The following EIF3H variants were observed in gnomAD, a reference collection of about 807,000 sequenced individuals.
The protein encoded by EIF3H is eIF-3-gamma.
A neutral mutation model predicts 44.2 loss-of-function variants in EIF3H; 26 were observed. That is an observed-to-expected ratio of 0.59 (90% CI 0.43 to 0.82). EIF3H has a LOEUF of 0.82. Among genes scored for constraint, EIF3H ranks in the 40% least tolerant of loss-of-function variants. EIF3H has a pLI of 0.00. For missense variants in EIF3H, 359 were observed against 432.8 expected (o/e 0.83, Z 1.51); for synonymous variants, 166 against 151.9 (o/e 1.09, Z -0.68).
At chr8:116,756,579 C>A (rs1259680194), upstream of EIF3H, among the ~76,000 whole-genome samples, 2 of 152,104 alleles carry the variant, frequency 1.3e-5, no homozygotes, top group Admixed American at 1.3e-4. Flanking sequence ...TTTTTCCTAT[C>A]CCTTATTTTT....
At chr8:116,705,530 C>T (rs1442887882) in intron 2 of EIF3H, among the ~76,000 whole-genome samples, 1 of 142,586 alleles carries the variant, frequency 7.0e-6, no homozygotes, top group Non-Finnish European at 1.5e-5. Context: ...AATGCAATGA[C>T]AGGGGCACTT....
At chr8:116,651,273 G>A (rs1813387203) in intron 5 of EIF3H, among the ~76,000 whole-genome samples, 1 of 152,194 alleles carries the variant, frequency 6.6e-6, no homozygotes, top group Non-Finnish European at 1.5e-5. Context: ...AAATGAGAGA[G>A]ATTCTGGAGG....
In EIF3H at chr8:116,646,482, A is replaced by C; in HGVS notation, c.950T>G (p.Leu317Arg). 6.2e-7 allele frequency: 1 copy of C among 1,614,230 alleles called. No homozygotes were observed. The highest frequency in any genetic ancestry group is 8.5e-7 in the Non-Finnish European group (1 of 1,180,034). ...CTGGGCAACAATACCTGCAATGAGC[A>C]GCGAGTCCATCCTGGCAGGCGGCTG... is the stretch of plus-strand genomic sequence containing the variant. ...PPQPPARMDS[L>R]LIAGQINTYC... is the part of the protein sequence containing the mutation. The change falls in exon 7 of 8, where the codon CTG (leucine) becomes CGG (arginine). Residue 317 changes from leucine (L) to arginine (R), a missense_variant. By Grantham distance (102) the Leu-to-Arg change is moderately radical. Transcript: ENST00000521861.
rs1335308095 is a variant in EIF3H at position 116,648,940 on chromosome 8, T to G, written c.708-14A>C. 1.2e-6 allele frequency: 2 copies of G among 1,604,230 alleles called. No homozygotes were observed. The highest frequency in any genetic ancestry group is 1.7e-6 in the Non-Finnish European group (2 of 1,175,342). On this transcript the variant is annotated splice_polypyrimidine_tract_variant and intron_variant, in intron 5 of 7. Transcript: ENST00000521861. ...CCCAAATGATTGCTGAAATGTAAAG[T>G]AAATATACTGACAAGTCTTACTTTA... is the stretch of plus-strand genomic sequence containing the variant.
intron 2 of EIF3H, among the ~76,000 whole-genome samples, chr8:116,700,910 T>C (rs573057906): frequency 1.2e-4 from 18 of 152,334 alleles, no homozygotes; most frequent in Admixed American, 2.0e-4. Flanking sequence ...CTTCTAAATA[T>C]AGGGTATACT....
chr8:116,701,734 C>A (rs1398076263), intron 2 of EIF3H, among the ~76,000 whole-genome samples: 1 of 152,104 alleles, frequency 6.6e-6, no homozygotes, highest in East Asian at 1.9e-4. Context: ...AAACAGCTGA[C>A]AAGCACTCTT....
chr8:116,743,516 G>A (rs1334242957), intron 1 of EIF3H, among the ~76,000 whole-genome samples: 2 of 151,838 alleles, frequency 1.3e-5, no homozygotes, highest in Admixed American at 1.3e-4. Context: ...GGCTGAGGCA[G>A]GCGGATCACT....
At position 116,669,271 on chromosome 8, in the gene EIF3H, C is replaced by T. The variant is rs550455460; in HGVS notation, c.290-10291G>A. On this transcript the variant is annotated intron_variant, in intron 2 of 7. Transcript: ENST00000521861. ...AAATTAGATTTCAAGAAAAGGTAAT[C>T]TTGGGTGTTCCATTATTACTGTGCA... 7.9e-5 allele frequency among the ~76,000 whole-genome samples: 12 copies of T among 152,242 alleles called. No individual in the cohort carries two copies. In the South Asian group the frequency reaches 1.7e-3, roughly 21 times the overall value.
In EIF3H at chr8:116,752,735, GA is replaced by G. The variant is rs1563663071; in HGVS notation, c.132+2930del. ...AAGAAAGAAAGAAAGAAAGAAAGAA[GA>G]GAAAGAAAGAAAGAAAGAGGGAGGG... On this transcript the variant is annotated intron_variant, in intron 1 of 7. Transcript: ENST00000521861. Among the ~76,000 whole-genome samples the G allele has an allele frequency of 1.3e-4, 9 of 70,832 alleles. 1 individual carries two copies. The East Asian group carries it at 2.8e-3, about 22-fold the overall frequency. The allele number at this position is 70,832 out of a possible 152,430, so 46.5% of individuals were successfully genotyped here. A position where few individuals can be genotyped will look rare whatever the true frequency, so the allele number is the denominator to read the frequency against.
chr8:116,685,173 G>A (rs962130360), intron 2 of EIF3H, among the ~76,000 whole-genome samples: 9 of 152,102 alleles, frequency 5.9e-5, no homozygotes, highest in Admixed American at 5.2e-4. Flanking sequence ...TTCAAATTCT[G>A]ATTTCTTATG....
intron 1 of EIF3H, chr8:116,737,335 A>G (rs1204387867): frequency 2.3e-6 from 1 of 433,288 alleles, no homozygotes; most frequent in Non-Finnish European, 4.5e-6. Context: ...ATTCCCAAAA[A>G]AGCCCATAAC....
chr8:116,738,185 G>GT (rs199701247), intron 1 of EIF3H, among the ~76,000 whole-genome samples: 4,305 of 152,134 alleles, frequency 0.028, 195 homozygotes, highest in African/African-American at 0.099. Context: ...AAATACAGCA[G>GT]TAACTGATTT....
At chr8:116,739,662 A>C (rs186815322) in intron 1 of EIF3H, among the ~76,000 whole-genome samples, 26 of 152,270 alleles carry the variant, frequency 1.7e-4, no homozygotes, top group South Asian at 8.3e-4. Context: ...AAAAATAAAT[A>C]AATCAATCAA....
chr8:116,752,367 A>G (rs900149390), intron 1 of EIF3H, among the ~76,000 whole-genome samples: 1 of 152,134 alleles, frequency 6.6e-6, no homozygotes, highest in Admixed American at 6.5e-5. Context: ...TTTGAGAAAC[A>G]TTAATAAGGA....
chr8:116,765,533 CAGTT>C (rs1815562701), exon 1 of EIF3H: 1 of 152,208 alleles, frequency 6.6e-6, no homozygotes, highest in East Asian at 1.9e-4. Flanking sequence ...GGATACTCGA[CAGTT>C]AGCCACGGGA....
intron 2 of EIF3H, among the ~76,000 whole-genome samples, chr8:116,720,361 C>G (rs1384302892): frequency 6.6e-6 from 1 of 152,034 alleles, no homozygotes; most frequent in Non-Finnish European, 1.5e-5. Flanking sequence ...CATGTTCATG[C>G]TCATTTTCTC....
chr8:116,737,311 T>C (rs1355254230), intron 1 of EIF3H: 1 of 435,150 alleles, frequency 2.3e-6, no homozygotes, highest in South Asian at 1.7e-5. Flanking sequence ...AAAAAAGACT[T>C]TGTCATTCTT....
chr8:116,743,943 T>A (rs1290969651), intron 1 of EIF3H, among the ~76,000 whole-genome samples: 1 of 151,742 alleles, frequency 6.6e-6, no homozygotes, highest in Non-Finnish European at 1.5e-5. Flanking sequence ...AGAAGATAAC[T>A]TAGTCAGCAG....
At chr8:116,752,664 TGAAGAAAGAAA>T (rs1815360764) in intron 1 of EIF3H, among the ~76,000 whole-genome samples, 3 of 92,838 alleles carry the variant, frequency 3.2e-5, no homozygotes, top group South Asian at 6.9e-4. Context: ...AAGACAGAAA[TGAAGAAAGAAA>T]GAAAGAAAGA....
Sources: allele counts gnomAD v4.1 joint callset (sites outside exome capture counted in the v4.1 genomes callset), GRCh38; gene constraint gnomAD v4.1.1; transcripts MANE v1.5; gene names NCBI Gene and HGNC (gene_info 2026-07-23, HGNC 2026-07-21).